HDAC4: variants seen among roughly 807,000 people sequenced by gnomAD.
HDAC4 encodes histone deacetylase A.
In HDAC4, 16 loss-of-function variants were observed where a neutral mutation model predicts 135.1. That is an observed-to-expected ratio of 0.12 (90% CI 0.08 to 0.18). The LOEUF (loss-of-function observed/expected upper bound fraction) is 0.18, where lower values mean the gene tolerates loss of function less well. HDAC4 is among the 10% of genes least tolerant of loss of function. HDAC4 has a pLI of 1.00. For synonymous variants in HDAC4, 685 were observed against 653.4 expected (o/e 1.05, Z -0.74); for missense variants, 1,143 against 1,511.8 (o/e 0.76, Z 4.05).
intron 1 of HDAC4, among the ~76,000 whole-genome samples, chr2:239,353,835 G>A (rs1693315415): frequency 1.3e-5 from 2 of 152,146 alleles, no homozygotes; most frequent in Admixed American, 1.3e-4. Context: ...ACCACAAAAT[G>A]TCATTACTGC....
At position 239,082,904 on chromosome 2, in the gene HDAC4, G is replaced by A. The variant is rs1574951670; in HGVS notation, c.2533-683C>T. 2.6e-5 allele frequency among the ~76,000 whole-genome samples: 4 copies of A among 152,370 alleles called. No individual in the cohort carries two copies. The East Asian group carries it at 7.7e-4, about 29-fold the overall frequency. Reference sequence around the variant, plus strand: ...GGTGGTCACCAGGATGGGCGGGCGAGGGGGTGGCCCCGCTGAGAACAGCTG... The same window carrying A: ...GGTGGTCACCAGGATGGGCGGGCGAAGGGGTGGCCCCGCTGAGAACAGCTG... On this transcript the variant is annotated intron_variant, in intron 20 of 26. Coordinates refer to ENST00000543185, the MANE Select transcript of HDAC4 (RefSeq NM_001378414.1).
intron 3 of HDAC4, among the ~76,000 whole-genome samples, chr2:239,206,581 A>G (rs2046063538): frequency 6.6e-6 from 1 of 152,144 alleles, no homozygotes; most frequent in Admixed American, 6.5e-5. Context: ...CAGGGCTAAA[A>G]TCAAGTAAAA....
intron 16 of HDAC4, chr2:239,102,462 C>A: frequency 2.6e-6 from 1 of 384,658 alleles, no homozygotes; most frequent in South Asian, 2.3e-5. Flanking sequence ...CAACTTCAGG[C>A]TCCCTGCAGG....
chr2:239,371,994 G>C (rs965457153), intron 1 of HDAC4, among the ~76,000 whole-genome samples: 1 of 152,242 alleles, frequency 6.6e-6, no homozygotes, highest in Non-Finnish European at 1.5e-5. Context: ...TGCACCCGCA[G>C]AGCTGCAAAG....
At chr2:239,378,351 G>A (rs944566780) in intron 1 of HDAC4, among the ~76,000 whole-genome samples, 6 of 152,192 alleles carry the variant, frequency 3.9e-5, no homozygotes, top group South Asian at 4.1e-4. Flanking sequence ...GGGTCCACAC[G>A]ATGATGGCCT....
intron 2 of HDAC4, among the ~76,000 whole-genome samples, chr2:239,253,590 AG>A (rs1451123387): frequency 4.6e-5 from 7 of 152,254 alleles, no homozygotes; most frequent in Non-Finnish European, 4.4e-5. Flanking sequence ...CAAGTCAACC[AG>A]AACTTTAGGT....
chr2:239,378,213 T>C (rs1695163386), intron 1 of HDAC4, among the ~76,000 whole-genome samples: 1 of 152,012 alleles, frequency 6.6e-6, no homozygotes, highest in Non-Finnish European at 1.5e-5. Flanking sequence ...CCAGTGGGCA[T>C]CCGTGACAGC....
chr2:239,264,861 G>A (rs1189797941), intron 2 of HDAC4, among the ~76,000 whole-genome samples: 1 of 152,314 alleles, frequency 6.6e-6, no homozygotes, highest in African/African-American at 2.4e-5. Context: ...TCGGTGTTCC[G>A]GGGACCTGAA....
At chr2:239,323,386 C>T (rs763797393) in intron 2 of HDAC4, among the ~76,000 whole-genome samples, 2 of 152,136 alleles carry the variant, frequency 1.3e-5, no homozygotes, top group Non-Finnish European at 2.9e-5. Flanking sequence ...AGAGCATTTT[C>T]CTTTCTTTCA....
intron 1 of HDAC4, among the ~76,000 whole-genome samples, chr2:239,364,757 G>T (rs1318164327): frequency 2.0e-5 from 3 of 152,214 alleles, no homozygotes; most frequent in Non-Finnish European, 4.4e-5. Context: ...GATCTGACTG[G>T]TCCATGCAGC....
At chr2:239,329,132 C>T (rs1691379055) in intron 2 of HDAC4, among the ~76,000 whole-genome samples, 1 of 152,088 alleles carries the variant, frequency 6.6e-6, no homozygotes, top group African/African-American at 2.4e-5. Context: ...TCCTGCAATG[C>T]CAACCCCCCA....
Position 239,360,306 on chromosome 2 carries a change from C to A in HDAC4, c.-219-7388G>T, listed in dbSNP as rs537119096. 3.0e-4 allele frequency among the ~76,000 whole-genome samples: 45 copies of A among 152,344 alleles called. 2 individuals are homozygous for A. In the South Asian group the frequency reaches 9.1e-3, roughly 31 times the overall value. On this transcript the variant is annotated intron_variant, in intron 1 of 26. Coordinates refer to ENST00000543185, the MANE Select transcript of HDAC4 (RefSeq NM_001378414.1). Reference sequence around the variant, plus strand: ...AATAGGACAAGGCAGACAGACGCCACAGACAGCCGCAAGGGGACCCGGAGA... The same window carrying A: ...AATAGGACAAGGCAGACAGACGCCAAAGACAGCCGCAAGGGGACCCGGAGA...
At chr2:239,264,030 T>G (rs1409934306) in intron 2 of HDAC4, among the ~76,000 whole-genome samples, 2 of 150,118 alleles carry the variant, frequency 1.3e-5, no homozygotes, top group South Asian at 2.1e-4. Context: ...GGGGCCATCC[T>G]CGAGCGGGGG....
At chr2:239,204,383 G>A (rs1389978504) in intron 3 of HDAC4, among the ~76,000 whole-genome samples, 1 of 152,252 alleles carries the variant, frequency 6.6e-6, no homozygotes, top group African/African-American at 2.4e-5. Flanking sequence ...ACAGGGCTCC[G>A]TAGGGAAGGT....
chr2:239,167,035 T>A lies in HDAC4; in HGVS notation c.491-3112A>T, dbSNP rs2043158252. ...GCGACAGTGAGGATGAGGACCCAGA[T>A]GGCCAGTTGTTGGAGGGGACTGCCC... On this transcript the variant is annotated intron_variant, in intron 5 of 26. Transcript: ENST00000543185. This position sits in a 1 kb window ranked among gnomAD's most constrained non-coding sequence, Gnocchi z 4.1. 6.6e-6 allele frequency among the ~76,000 whole-genome samples: 1 copy of A among 151,842 alleles called. No homozygotes were observed. The highest frequency in any genetic ancestry group is 2.4e-5 in the African/African-American group (1 of 41,314).
chr2:239,227,511 A>C (rs2047310197), intron 3 of HDAC4, among the ~76,000 whole-genome samples: 1 of 152,138 alleles, frequency 6.6e-6, no homozygotes, highest in African/African-American at 2.4e-5. Context: ...TCTGCTACAG[A>C]TGGCAGATAC....
In HDAC4 at chr2:239,111,548, G is replaced by A. The variant is rs999277586; in HGVS notation, c.1956C>T (p.Pro652=). ...ATFPVSVQEP[P]TKPRFTTGLV... ...TACCTGTCGTGAACCTCGGCTTGGT[G>A]GGGGGCTCCTGCACAGACACGGGGA... is the stretch of plus-strand genomic sequence containing the variant. Residue 652 remains proline, a synonymous_variant, in exon 14 of 27, where the codon CCC becomes CCT. Coordinates refer to ENST00000543185, the MANE Select transcript of HDAC4 (RefSeq NM_001378414.1). 1.2e-6 allele frequency: 2 copies of A among 1,612,194 alleles called. No homozygotes were observed. The highest frequency in any genetic ancestry group is 1.7e-6 in the Non-Finnish European group (2 of 1,179,718).
chr2:239,386,964 C>T (rs1695853473), intron 1 of HDAC4, among the ~76,000 whole-genome samples: 1 of 152,246 alleles, frequency 6.6e-6, no homozygotes, highest in African/African-American at 2.4e-5. Flanking sequence ...TCTGGGTTCA[C>T]CAGGAATCAC....
intron 2 of HDAC4, among the ~76,000 whole-genome samples, chr2:239,263,884 C>A (rs2049541381): frequency 2.0e-5 from 3 of 152,184 alleles, no homozygotes; most frequent in Non-Finnish European, 4.4e-5. Flanking sequence ...CGCCACTCTG[C>A]CCCTTCTCTG....
Sources: gnomAD v4.1 joint callset for allele counts (sites outside exome capture counted in the v4.1 genomes callset) on GRCh38, gnomAD v4.1.1 for gene constraint, Gnocchi (gnomAD v3.1) non-coding constraint, MANE v1.5 for transcripts, NCBI Gene and HGNC (gene_info 2026-07-23, HGNC 2026-07-21) for gene names.